Variants in NBPF20 observed in about 807,000 individuals in gnomAD.
NBPF20 encodes NBPF member 20.
NBPF20 carries 90 observed loss-of-function variants against 68.1 expected under a neutral mutation model. The ratio of observed to expected loss-of-function variants is 1.32; its 90% CI spans 1.11 to 1.58. NBPF20 has a LOEUF of 1.58. Among genes scored for constraint, NBPF20 ranks in the 40% most tolerant of loss-of-function variants. The probability of loss-of-function intolerance (pLI) is 0.00; values close to 1 mark genes in which losing one functional copy is unlikely to be tolerated. For synonymous variants in NBPF20, 290 were observed against 228.1 expected (o/e 1.27, Z -2.45); for missense variants, 816 against 601.2 (o/e 1.36, Z -3.74).
intron 7 of NBPF20, among the ~76,000 whole-genome samples, chr1:145,398,039 A>T (rs1163007588): frequency 6.6e-6 from 1 of 152,210 alleles, no homozygotes; most frequent in Non-Finnish European, 1.5e-5. Context: ...TAACTATCCT[A>T]AACATATATG....
At position 145,291,778 on chromosome 1, in the gene NBPF20, G is replaced by C. The variant is rs782008891; in HGVS notation, c.16698-9C>G. The C allele has an allele frequency of 3.1e-6, 5 of 1,611,856 alleles. No homozygotes were observed. Among genetic ancestry groups the C allele is most frequent in the African/African-American group, 1.3e-5 (1 of 74,894 alleles). ...TCAGCACGCCGTTGAGCCTGGAAAA[G>C]GAGACAAAACTAAAGAAGCAGCCAG... On this transcript the variant is annotated splice_polypyrimidine_tract_variant and intron_variant, in intron 137 of 137. Transcript: ENST00000369373.
chr1:145,291,412 C>T (rs1395029989), exon 138 of NBPF20: 1 of 1,604,730 alleles, frequency 6.2e-7, no homozygotes, highest in Admixed American at 1.7e-5. Flanking sequence ...CAGCCATGCC[C>T]ACTGACCCAT....
At chr1:145,421,904 G>A in the NBPF20 span, among the ~76,000 whole-genome samples, 1 of 151,978 alleles carries the variant, frequency 6.6e-6, no homozygotes, top group Non-Finnish European at 1.5e-5. Context: ...CGGGCATAGT[G>A]GTGCATGCCT....
At position 145,393,936 on chromosome 1, in the gene NBPF20, C is replaced by T. The variant is rs1662079112; in HGVS notation, c.992-1G>A. The T allele has an allele frequency of 1.2e-5, 16 of 1,363,574 alleles. No individual in the cohort carries two copies. The highest frequency in any genetic ancestry group is 1.7e-5 in the Non-Finnish European group (16 of 965,846). The allele number at this position is 1,363,574 out of a possible 1,614,324, so 84.5% of individuals were successfully genotyped here. The stretch of plus-strand genomic sequence containing the variant: ...TTTTTCACTTGATCCCACCGATGTC[C>T]TGCAAATAAATTCAGATGGGCCCTC... On this transcript the variant is annotated splice_acceptor_variant, in intron 8 of 137. Coordinates refer to ENST00000369373, the Ensembl canonical transcript of NBPF20. LOFTEE classifies it high-confidence loss of function.
chr1:145,403,623 T>A (rs1483489948), intron 2 of NBPF20, among the ~76,000 whole-genome samples: 125 of 152,294 alleles, frequency 8.2e-4, no homozygotes, highest in Non-Finnish European at 5.9e-4. Flanking sequence ...GCGGGGCCAC[T>A]TTCCCAAGCC....
chr1:145,404,693 C>T (rs1476711838), intron 2 of NBPF20, among the ~76,000 whole-genome samples: 5 of 152,324 alleles, frequency 3.3e-5, no homozygotes, highest in African/African-American at 1.2e-4. Context: ...CACAGCTTTG[C>T]CTGTTGGGCC....
intron 118 of NBPF20, among the ~76,000 whole-genome samples, chr1:145,307,215 T>C (rs1661423385): frequency 3.6e-5 from 1 of 27,906 alleles, no homozygotes; most frequent in Non-Finnish European, 5.6e-5. Flanking sequence ...ATTTTTTACA[T>C]CTGCCTGGGT....
chr1:145,397,639 T>A (rs1260471630), intron 7 of NBPF20, among the ~76,000 whole-genome samples: 31 of 152,148 alleles, frequency 2.0e-4, no homozygotes, highest in African/African-American at 7.5e-4. Flanking sequence ...CATGCCAAAC[T>A]GTAAAGACCA....
chr1:145,408,986 G>A (rs1180090893), upstream of NBPF20, among the ~76,000 whole-genome samples: 6 of 149,628 alleles, frequency 4.0e-5, no homozygotes, highest in East Asian at 9.8e-4. Flanking sequence ...GTTTACAAAT[G>A]GATACACTAA....
At chr1:145,400,904 C>A (rs1662492094) in intron 5 of NBPF20, among the ~76,000 whole-genome samples, 155 bp downstream of exon 10, 6 of 151,976 alleles carry the variant, frequency 3.9e-5, no homozygotes, top group Admixed American at 3.9e-4. Context: ...AACATGACAG[C>A]TGCCGCACCC....
intron 137 of NBPF20, 89 bp from the exon 143 acceptor site, chr1:145,291,858 G>A (rs782565493): frequency 6.2e-7 from 1 of 1,604,332 alleles, no homozygotes; most frequent in Non-Finnish European, 8.5e-7. Flanking sequence ...ATAAGGAAGT[G>A]GTTAGAAAAG....
At chr1:145,405,650 A>G, upstream of NBPF20, 1 of 571,666 alleles carries the variant, frequency 1.7e-6, no homozygotes, top group Non-Finnish European at 3.1e-6. Context: ...CTTTGCTGAA[A>G]CACAGGCACC....
At chr1:145,412,222 C>G in the NBPF20 span, among the ~76,000 whole-genome samples, 1 of 152,040 alleles carries the variant, frequency 6.6e-6, no homozygotes, top group East Asian at 1.9e-4. Context: ...TCCTCTGGCT[C>G]TGATATTCTG....
At chr1:145,396,764 AT>A in intron 7 of NBPF20, among the ~76,000 whole-genome samples, 1 of 150,084 alleles carries the variant, frequency 6.7e-6, no homozygotes, top group Non-Finnish European at 1.5e-5. Flanking sequence ...GTATATATAT[AT>A]ATATATACAG....
upstream of NBPF20, chr1:145,405,664 G>C (rs879968033): frequency 1.2e-5 from 7 of 561,000 alleles, no homozygotes; most frequent in Non-Finnish European, 1.3e-5. Context: ...AGGCACCCTA[G>C]TCTCACCTGA....
chr1:145,402,823 G>T (rs1385652299), intron 3 of NBPF20, among the ~76,000 whole-genome samples: 1 of 150,512 alleles, frequency 6.6e-6, no homozygotes, highest in Non-Finnish European at 1.5e-5. Flanking sequence ...GGTCGAGAAG[G>T]CAACATTGAT....
In NBPF20 at chr1:145,404,362, G is replaced by T. The variant is rs377008530; in HGVS notation, c.175+736C>A. ...CAACATCTGCCTGCTGGGTTCAAAG[G>T]ATTCTTCTGCCTCAGCCACCCGATT... On this transcript the variant is annotated intron_variant, in intron 2 of 137. Coordinates refer to ENST00000369373, the Ensembl canonical transcript of NBPF20. Among the ~76,000 whole-genome samples the T allele has an allele frequency of 1.2e-4, 19 of 152,084 alleles. No individual in the cohort carries two copies. In the East Asian group the frequency reaches 1.7e-3, roughly 14 times the overall value.
Position 145,290,351 on chromosome 1 carries a change from CAT to C in NBPF20, c.*1173_*1174del, listed in dbSNP as rs587633654. ...TTAACCAAGTAACCAGTCCTGATAT[CAT>C]AATGGTGATGGACAAACTAGACCTT... On this transcript the variant is annotated 3_prime_UTR_variant, in exon 138 of 138. Coordinates refer to ENST00000369373, the Ensembl canonical transcript of NBPF20. 1.1e-4 allele frequency: 17 copies of C among 149,446 alleles called. No homozygotes were observed. In the East Asian group the frequency reaches 2.9e-3, roughly 26 times the overall value. 9.3% of individuals were successfully genotyped at this position (149,446 alleles called of 1,614,324 possible).
the NBPF20 span, among the ~76,000 whole-genome samples, chr1:145,422,037 C>G: frequency 7.7e-4 from 111 of 144,868 alleles, 3 homozygotes; most frequent in South Asian, 0.023. Flanking sequence ...GACACTGTCT[C>G]AAGAAAAAAA....
Sources: gnomAD v4.1 joint callset for allele counts (sites outside exome capture counted in the v4.1 genomes callset) on GRCh38, gnomAD v4.1.1 for gene constraint, MANE v1.5 for transcripts, NCBI Gene and HGNC (gene_info 2026-07-23, HGNC 2026-07-21) for gene names.